Variants in ANKFN1 observed in about 807,000 individuals in gnomAD.
ANKFN1 encodes ankyrin repeat and fibronectin type-III domain-containing protein 1.
A neutral mutation model predicts 108.7 loss-of-function variants in ANKFN1; 74 were observed. The ratio of observed to expected loss-of-function variants is 0.68; its 90% CI spans 0.56 to 0.83. The LOEUF is 0.83. ANKFN1 is among the 40% of genes least tolerant of loss of function. The pLI is 0.00. For missense variants in ANKFN1, 1,505 were observed against 1,382.3 expected (o/e 1.09, Z -1.41); for synonymous variants, 547 against 516.2 (o/e 1.06, Z -0.81).
chr17:56,194,333 T>C (rs1037825869), intron 1 of ANKFN1, among the ~76,000 whole-genome samples: 8 of 152,202 alleles, frequency 5.3e-5, no homozygotes, highest in Admixed American at 2.6e-4. Flanking sequence ...AGCAGCTTTA[T>C]TTATAATTGC....
At chr17:56,317,748 G>C (rs2045249520) in intron 3 of ANKFN1, among the ~76,000 whole-genome samples, 1 of 152,166 alleles carries the variant, frequency 6.6e-6, no homozygotes, top group Non-Finnish European at 1.5e-5. Context: ...TGAATGGCCA[G>C]TGCAGTCAAC....
chr17:56,251,930 C>T (rs2043244718), intron 3 of ANKFN1, among the ~76,000 whole-genome samples: 1 of 152,208 alleles, frequency 6.6e-6, no homozygotes, highest in Non-Finnish European at 1.5e-5. Flanking sequence ...TGCATGCCTA[C>T]TCTCCTTAGG....
At chr17:56,234,880 G>A (rs1198691875) in intron 3 of ANKFN1, among the ~76,000 whole-genome samples, 2 of 152,104 alleles carry the variant, frequency 1.3e-5, no homozygotes, top group Non-Finnish European at 2.9e-5. Flanking sequence ...TATTGGGATT[G>A]CTGCGTTGAA....
At chr17:56,141,052 G>C (rs1403111670) in intron 4 of ANKFN1, among the ~76,000 whole-genome samples, 1 of 152,084 alleles carries the variant, frequency 6.6e-6, no homozygotes, top group Non-Finnish European at 1.5e-5. Context: ...TTCTGGATGT[G>C]CACCCAGATT....
intron 8 of ANKFN1, among the ~76,000 whole-genome samples, chr17:56,417,145 G>A (rs575086859): frequency 6.7e-4 from 102 of 152,172 alleles, no homozygotes; most frequent in African/African-American, 2.2e-3. Context: ...ATAAGACCTC[G>A]TATTTGATAG....
At chr17:56,348,164 A>G (rs2046154971) in intron 4 of ANKFN1, among the ~76,000 whole-genome samples, 1 of 152,118 alleles carries the variant, frequency 6.6e-6, no homozygotes, top group African/African-American at 2.4e-5. Context: ...TCAAAGGTAA[A>G]GGATTTGTAG....
At chr17:56,057,052 T>C (rs1407659310) in intron 4 of ANKFN1, among the ~76,000 whole-genome samples, 1 of 152,246 alleles carries the variant, frequency 6.6e-6, no homozygotes, top group Non-Finnish European at 1.5e-5. Flanking sequence ...GCATCTTCAC[T>C]AGGAGTAAAT....
intron 1 of ANKFN1, among the ~76,000 whole-genome samples, chr17:56,161,745 A>G (rs1909672375): frequency 6.6e-6 from 1 of 152,118 alleles, no homozygotes; most frequent in Non-Finnish European, 1.5e-5. Flanking sequence ...AAAAAAAATT[A>G]ACTTTTCTCT....
At chr17:56,141,817 C>G (rs1567801721) in intron 4 of ANKFN1, among the ~76,000 whole-genome samples, 2 of 151,804 alleles carry the variant, frequency 1.3e-5, no homozygotes, top group African/African-American at 4.8e-5. Context: ...AATTCATGAA[C>G]TGTTTTACAC....
chr17:56,152,262 ATGTGTGTGTGTGTGTGTGTG>A (rs200366444), upstream of ANKFN1, among the ~76,000 whole-genome samples: 1 of 77,714 alleles, frequency 1.3e-5, no homozygotes, highest in Admixed American at 1.1e-4. Context: ...ATATATATAT[ATGTGTGTGTGTGTGTGTGTG>A]TGTGTGTGTG....
In ANKFN1 at chr17:56,097,893, C is replaced by T. The variant is rs569687683; in HGVS notation, c.288+51568C>T. Among the ~76,000 whole-genome samples, 8 of 152,216 alleles carry T rather than the reference C, an allele frequency of 5.3e-5. No individual in the cohort carries two copies. The South Asian group carries it at 1.2e-3, about 24-fold the overall frequency. On this transcript the variant is annotated intron_variant, in intron 4 of 12. Coordinates refer to the ANKFN1 transcript ENST00000635860. Reference sequence around the variant, plus strand: ...TTTGGGTAATATTATTTCTCATATTCGGGGGACTCAATGGTAGCCCTCCAA... The same window carrying T: ...TTTGGGTAATATTATTTCTCATATTTGGGGGACTCAATGGTAGCCCTCCAA...
chr17:56,267,871 A>G (rs996298086), intron 3 of ANKFN1, among the ~76,000 whole-genome samples: 2 of 152,006 alleles, frequency 1.3e-5, no homozygotes, highest in Admixed American at 6.6e-5. Flanking sequence ...TGCTTTGGCT[A>G]TTTGGGCTCT....
At chr17:56,506,005 A>G (rs1354557069) in intron 20 of ANKFN1, among the ~76,000 whole-genome samples, 1 of 152,092 alleles carries the variant, frequency 6.6e-6, no homozygotes, top group Non-Finnish European at 1.5e-5. Flanking sequence ...AACTATGTCC[A>G]TGTCTGAACC....
chr17:56,428,397 T>G (rs1051172115), intron 8 of ANKFN1, among the ~76,000 whole-genome samples: 1 of 152,042 alleles, frequency 6.6e-6, no homozygotes, highest in Non-Finnish European at 1.5e-5. Flanking sequence ...GTTCACCTTT[T>G]GTGACATTAA....
intron 15 of ANKFN1, among the ~76,000 whole-genome samples, chr17:56,476,321 G>A (rs73991543): frequency 0.016 from 2,458 of 152,160 alleles, 61 homozygotes; most frequent in African/African-American, 0.056. Flanking sequence ...GTAATTATTC[G>A]TTATCTGAGT....
At chr17:56,379,341 G>A (rs1032340834) in intron 8 of ANKFN1, among the ~76,000 whole-genome samples, 50 of 151,624 alleles carry the variant, frequency 3.3e-4, no homozygotes, top group African/African-American at 1.2e-3. Context: ...GGAGCTTGCA[G>A]TGAGCTGAGA....
At chr17:56,498,760 ATATT>A in intron 19 of ANKFN1, 118 bp from the exon 20 acceptor site, 1 of 763,988 alleles carries the variant, frequency 1.3e-6, no homozygotes, top group Non-Finnish European at 2.1e-6. Context: ...TATGTTAAAA[ATATT>A]TTACTCTTGC....
At chr17:56,487,691 A>C (rs1568043305) in intron 18 of ANKFN1, among the ~76,000 whole-genome samples, 1 of 152,210 alleles carries the variant, frequency 6.6e-6, no homozygotes, top group Non-Finnish European at 1.5e-5. Flanking sequence ...TAGAGGATAC[A>C]GGTATCCCTA....
intron 4 of ANKFN1, among the ~76,000 whole-genome samples, chr17:56,063,245 T>C (rs1905006963): frequency 2.0e-5 from 3 of 152,130 alleles, no homozygotes; most frequent in Admixed American, 2.0e-4. Context: ...GATCTTCTTA[T>C]AGTGTATCTT....
Sources: allele counts gnomAD v4.1 joint callset (sites outside exome capture counted in the v4.1 genomes callset), GRCh38; gene constraint gnomAD v4.1.1; transcripts MANE v1.5; gene names NCBI Gene and HGNC (gene_info 2026-07-23, HGNC 2026-07-21).